Variants in PRKD1 observed in about 807,000 individuals in gnomAD.
The protein encoded by PRKD1 is serine/threonine-protein kinase D1.
Under a neutral mutation model 95.9 loss-of-function variants are expected in PRKD1, and 63 were observed. That is an observed-to-expected ratio of 0.66 (90% CI 0.54 to 0.81). PRKD1 has a LOEUF of 0.81. PRKD1 is among the 30% of genes least tolerant of loss of function. The pLI is 0.00. For missense variants in PRKD1, 1,048 were observed against 1,165.3 expected, an observed-to-expected ratio of 0.90 and a Z score of 1.47; for synonymous variants, 425 against 423.1, an observed-to-expected ratio of 1.00 and a Z score of -0.05.
At chr14:29,840,385 T>A (rs1891788675) in intron 1 of PRKD1, among the ~76,000 whole-genome samples, 1 of 152,178 alleles carries the variant, frequency 6.6e-6, no homozygotes, top group Non-Finnish European at 1.5e-5. Flanking sequence ...CATATCATTA[T>A]CAGTATTTTT....
At chr14:29,647,462 C>T (rs555123170) in intron 4 of PRKD1, among the ~76,000 whole-genome samples, 2 of 152,128 alleles carry the variant, frequency 1.3e-5, no homozygotes, top group African/African-American at 4.8e-5. Flanking sequence ...CTTTAAGTGT[C>T]AGAAAGTGAA....
chr14:29,755,063 T>G (rs1887635374), intron 1 of PRKD1, among the ~76,000 whole-genome samples: 1 of 152,116 alleles, frequency 6.6e-6, no homozygotes, highest in Non-Finnish European at 1.5e-5. Flanking sequence ...TCCGTTAAAA[T>G]TTCTAGTTGA....
At chr14:29,899,810 C>T (rs1398139273) in intron 1 of PRKD1, among the ~76,000 whole-genome samples, 3 of 152,194 alleles carry the variant, frequency 2.0e-5, no homozygotes, top group Non-Finnish European at 4.4e-5. Context: ...TGTGTCCCCA[C>T]TCAAATCTCA....
At chr14:29,737,956 T>C (rs910432223) in intron 1 of PRKD1, among the ~76,000 whole-genome samples, 1 of 152,218 alleles carries the variant, frequency 6.6e-6, no homozygotes, top group African/African-American at 2.4e-5. Flanking sequence ...CAAATACTTA[T>C]TGAACTGGGT....
chr14:29,812,481 T>A (rs535862178), intron 1 of PRKD1, among the ~76,000 whole-genome samples: 41 of 152,292 alleles, frequency 2.7e-4, no homozygotes, highest in African/African-American at 9.6e-4. Context: ...CACACTGCTA[T>A]AAAGAAATAC....
chr14:29,615,841 GA>G (rs1878817428), intron 13 of PRKD1, among the ~76,000 whole-genome samples: 1 of 152,154 alleles, frequency 6.6e-6, no homozygotes, highest in Admixed American at 6.6e-5. Context: ...GAAATTGAAA[GA>G]ATGATAGCAA....
intron 4 of PRKD1, chr14:29,657,691 C>T (rs990920314): frequency 2.6e-5 from 4 of 152,300 alleles, no homozygotes; most frequent in Admixed American, 2.6e-4. Flanking sequence ...ACGGTGAAAC[C>T]CCGTCTCTAT....
chr14:29,620,714 T>C (rs1879189939), intron 13 of PRKD1, among the ~76,000 whole-genome samples: 1 of 152,132 alleles, frequency 6.6e-6, no homozygotes, highest in African/African-American at 2.4e-5. Context: ...AGGAACACTT[T>C]CACACTGTTG....
At chr14:29,917,781 C>G (rs1469128080) in intron 1 of PRKD1, among the ~76,000 whole-genome samples, 1 of 152,018 alleles carries the variant, frequency 6.6e-6, no homozygotes, top group Non-Finnish European at 1.5e-5. Context: ...ACAGTTCTTC[C>G]AATGCCTGGT....
chr14:29,766,361 G>T (rs1321920575), intron 1 of PRKD1, among the ~76,000 whole-genome samples: 2 of 151,948 alleles, frequency 1.3e-5, no homozygotes, highest in African/African-American at 4.8e-5. Context: ...CACAATGCAT[G>T]CTGGAAAGAG....
intron 7 of PRKD1, among the ~76,000 whole-genome samples, chr14:29,634,799 C>T (rs914957067): frequency 2.0e-5 from 3 of 151,832 alleles, no homozygotes; most frequent in Non-Finnish European, 4.4e-5. Context: ...TTTGGGAGGC[C>T]GAGGCGGGTG....
chr14:29,868,270 T>C (rs1892980264), intron 1 of PRKD1, among the ~76,000 whole-genome samples: 1 of 152,158 alleles, frequency 6.6e-6, no homozygotes, highest in Non-Finnish European at 1.5e-5. Flanking sequence ...CAGTTTGCAA[T>C]CACTATAGGA....
At chr14:29,644,704 G>A (rs1172464729) in intron 4 of PRKD1, among the ~76,000 whole-genome samples, 1 of 151,912 alleles carries the variant, frequency 6.6e-6, no homozygotes, top group African/African-American at 2.4e-5. Context: ...TAGTTCAGCC[G>A]AAGACCTTTA....
chr14:29,581,797 T>A (rs1306481278), intron 16 of PRKD1, among the ~76,000 whole-genome samples: 1 of 152,184 alleles, frequency 6.6e-6, no homozygotes, highest in Non-Finnish European at 1.5e-5. Context: ...TAGCTTTCTG[T>A]CATGCTCACA....
chr14:29,832,195 T>C (rs566212376), intron 1 of PRKD1, among the ~76,000 whole-genome samples: 124 of 152,204 alleles, frequency 8.1e-4, no homozygotes, highest in African/African-American at 2.8e-3. Flanking sequence ...ATAGAGATAG[T>C]TCCCACCCCA....
intron 2 of PRKD1, among the ~76,000 whole-genome samples, chr14:29,688,784 T>A (rs1194310874): frequency 6.6e-6 from 1 of 150,496 alleles, no homozygotes; most frequent in Non-Finnish European, 1.5e-5. Context: ...TACAAAAAAA[T>A]TAGCCGGGCG....
chr14:29,599,837 C>A lies in PRKD1; in HGVS notation c.1906-20G>T. ...AAGGTTCTATTAAAGATAAATAAAGCACTTGAAGAAAATGAGTTTTTTGAT... is the reference window on the plus strand; with the variant it reads ...AAGGTTCTATTAAAGATAAATAAAGAACTTGAAGAAAATGAGTTTTTTGAT... On this transcript the variant is annotated intron_variant, in intron 13 of 17. Transcript: ENST00000331968. 1 of 1,592,262 alleles carries A rather than the reference C, an allele frequency of 6.3e-7. No individual in the cohort carries two copies. Among genetic ancestry groups the A allele is most frequent in the Non-Finnish European group, 8.5e-7 (1 of 1,172,212 alleles).
intron 2 of PRKD1, among the ~76,000 whole-genome samples, chr14:29,706,729 G>C (rs1307883681): frequency 6.6e-6 from 1 of 152,004 alleles, no homozygotes; most frequent in African/African-American, 2.4e-5. Flanking sequence ...TTACAAATTA[G>C]GTAATCATGG....
chr14:29,851,995 C>T (rs1892327188), intron 1 of PRKD1, among the ~76,000 whole-genome samples: 1 of 152,158 alleles, frequency 6.6e-6, no homozygotes, highest in Non-Finnish European at 1.5e-5. Flanking sequence ...AAACCACATA[C>T]TTCATGTTCT....
Sources: allele counts gnomAD v4.1 joint callset (sites outside exome capture counted in the v4.1 genomes callset), GRCh38; gene constraint gnomAD v4.1.1; transcripts MANE v1.5; gene names NCBI Gene and HGNC (gene_info 2026-07-23, HGNC 2026-07-21).